Variants in MPP7 observed in about 807,000 individuals in gnomAD.
The protein encoded by MPP7 is MAGUK p55 subfamily member 7.
MPP7 carries 60 observed loss-of-function variants against 76.5 expected under a neutral mutation model. The ratio of observed to expected loss-of-function variants is 0.78; its 90% CI spans 0.64 to 0.97. MPP7 has a LOEUF of 0.97. Ranked by LOEUF, MPP7 falls within the 50% of genes least tolerant of loss-of-function variation. MPP7 has a pLI of 0.00. For synonymous variants in MPP7, 237 were observed against 244.5 expected, an observed-to-expected ratio of 0.97 and a Z score of 0.29; for missense variants, 641 against 694.0, an observed-to-expected ratio of 0.92 and a Z score of 0.86.
intron 2 of MPP7, among the ~76,000 whole-genome samples, chr10:28,203,957 A>G (rs1415661532): frequency 1.3e-5 from 2 of 152,192 alleles, no homozygotes; most frequent in African/African-American, 4.8e-5. Context: ...TTCACATGAA[A>G]CTCAGTAAGT....
At chr10:28,086,556 T>C (rs923400192) in intron 12 of MPP7, among the ~76,000 whole-genome samples, 7 of 152,196 alleles carry the variant, frequency 4.6e-5, no homozygotes, top group African/African-American at 1.2e-4. Flanking sequence ...GGTCATTCTA[T>C]GATTTTTGGC....
At chr10:28,130,451 A>T (rs912696739) in intron 6 of MPP7, among the ~76,000 whole-genome samples, 1 of 152,202 alleles carries the variant, frequency 6.6e-6, no homozygotes, top group Non-Finnish European at 1.5e-5. Context: ...TTGCATTTTT[A>T]GATAACACTG....
intron 2 of MPP7, among the ~76,000 whole-genome samples, chr10:28,209,980 C>T (rs1190657467): frequency 6.6e-6 from 1 of 152,178 alleles, no homozygotes; most frequent in African/African-American, 2.4e-5. Context: ...AGAGGAAGGG[C>T]AAATTCCCCC....
intron 1 of MPP7, among the ~76,000 whole-genome samples, chr10:28,273,781 T>C (rs1840402195): frequency 6.6e-6 from 1 of 152,246 alleles, no homozygotes; most frequent in Non-Finnish European, 1.5e-5. Context: ...CCCAGATTTT[T>C]ATTCTTATCC....
intron 3 of MPP7, among the ~76,000 whole-genome samples, chr10:28,169,100 C>T (rs944881594): frequency 5.3e-5 from 8 of 152,118 alleles, no homozygotes. Flanking sequence ...TATGATAAAA[C>T]TTGATATCTA....
rs142724487 is a variant in MPP7 at position 28,115,072 on chromosome 10, T to TTTG, written c.952+4578_952+4579insCAA. On this transcript the variant is annotated intron_variant, in intron 11 of 16. Transcript: ENST00000683449. ...TATTAGGGGAAAAATACGTTAGGTT[T>TTTG]TTTGTTTGTTTGTTTGTTTGTTTTG... is the stretch of plus-strand genomic sequence containing the variant. 5.3e-5 allele frequency among the ~76,000 whole-genome samples: 8 copies of TTTG among 151,326 alleles called. No homozygotes were observed. In the East Asian group the frequency reaches 7.9e-4, roughly 15 times the overall value.
chr10:28,238,947 G>A (rs1588967758), intron 1 of MPP7, among the ~76,000 whole-genome samples: 1 of 150,810 alleles, frequency 6.6e-6, no homozygotes. Context: ...TTCTGCATGC[G>A]TGTGTTGAGG....
chr10:28,116,136 C>T (rs1419726698), intron 11 of MPP7, among the ~76,000 whole-genome samples: 1 of 152,114 alleles, frequency 6.6e-6, no homozygotes, highest in Non-Finnish European at 1.5e-5. Context: ...TTACTCCTTT[C>T]TGAAGACAAT....
intron 2 of MPP7, among the ~76,000 whole-genome samples, chr10:28,204,723 G>A (rs1415705982): frequency 1.3e-5 from 2 of 152,180 alleles, no homozygotes; most frequent in African/African-American, 4.8e-5. Context: ...ATTCTATAGA[G>A]CAATTCATAT....
chr10:28,125,133 G>T, intron 6 of MPP7, 42 bp from the exon 7 acceptor site: 1 of 1,497,464 alleles, frequency 6.7e-7, no homozygotes, highest in Non-Finnish European at 9.3e-7. Context: ...GTAAATGTGT[G>T]TACTAGGTGT....
At chr10:28,173,861 G>T (rs1350115107) in intron 3 of MPP7, among the ~76,000 whole-genome samples, 2 of 152,164 alleles carry the variant, frequency 1.3e-5, no homozygotes, top group Non-Finnish European at 2.9e-5. Context: ...ACTCAGTATT[G>T]TAAAGATATT....
intron 3 of MPP7, among the ~76,000 whole-genome samples, chr10:28,200,177 C>T (rs1389087111): frequency 6.6e-6 from 1 of 152,152 alleles, no homozygotes; most frequent in African/African-American, 2.4e-5. Flanking sequence ...TTTAAAGCTC[C>T]AGTCCCAGGA....
intron 12 of MPP7, 103 bp downstream of exon 12, chr10:28,089,565 GGGA>G: frequency 1.0e-6 from 1 of 999,274 alleles, no homozygotes; most frequent in Admixed American, 2.4e-5. Context: ...GGTGTTGAAG[GGGA>G]GGAGATTTTT....
intron 1 of MPP7, among the ~76,000 whole-genome samples, chr10:28,287,198 TCAAA>T (rs1018925205): frequency 2.2e-4 from 33 of 152,274 alleles, no homozygotes; most frequent in Admixed American, 1.2e-3. Context: ...AGTCAAGCCT[TCAAA>T]CAAAAATTAG....
chr10:28,114,041 T>C (rs1383523425), intron 11 of MPP7, among the ~76,000 whole-genome samples: 1 of 152,136 alleles, frequency 6.6e-6, no homozygotes, highest in African/African-American at 2.4e-5. Context: ...GAGTCCACCA[T>C]CTGCTATCTT....
chr10:28,329,413 G>A (rs1589050253), intron 2 of MPP7, among the ~76,000 whole-genome samples: 2 of 151,930 alleles, frequency 1.3e-5, no homozygotes, highest in Admixed American at 6.6e-5. Context: ...CGGATCACGA[G>A]GTCAGGAGAT....
intron 13 of MPP7, among the ~76,000 whole-genome samples, chr10:28,063,461 C>CAA (rs760077416): frequency 3.6e-5 from 4 of 109,662 alleles, no homozygotes; most frequent in South Asian, 3.0e-4. Context: ...GACTCTGTCT[C>CAA]AAAAAAAAAA....
At chr10:28,076,043 T>C (rs1415620840) in intron 12 of MPP7, among the ~76,000 whole-genome samples, 1 of 152,076 alleles carries the variant, frequency 6.6e-6, no homozygotes. Context: ...CCCTAGAACG[T>C]GTGGATATGA....
chr10:28,204,598 C>T (rs1299465413), intron 2 of MPP7, among the ~76,000 whole-genome samples: 3 of 152,234 alleles, frequency 2.0e-5, no homozygotes, highest in Non-Finnish European at 2.9e-5. Flanking sequence ...ATGCAAGATG[C>T]TACCATCGGA....
Sources: allele counts gnomAD v4.1 joint callset (sites outside exome capture counted in the v4.1 genomes callset), GRCh38; gene constraint gnomAD v4.1.1; transcripts MANE v1.5; gene names NCBI Gene and HGNC (gene_info 2026-07-23, HGNC 2026-07-21).